RB1: variants seen among roughly 807,000 people sequenced by gnomAD.
RB1 encodes RB transcriptional corepressor 1, also known as retinoblastoma-associated protein.
Under a neutral mutation model 135.4 loss-of-function variants are expected in RB1, and 18 were observed. That is an observed-to-expected ratio of 0.13 (90% CI 0.09 to 0.20). The LOEUF (loss-of-function observed/expected upper bound fraction) is 0.20. Ranked by LOEUF, RB1 falls within the 10% of genes least tolerant of loss-of-function variation. The pLI is 1.00. For missense variants in RB1, 868 were observed against 1,110.0 expected, an observed-to-expected ratio of 0.78 and a Z score of 3.10; for synonymous variants, 365 against 373.2, an observed-to-expected ratio of 0.98 and a Z score of 0.25.
rs543702285 is a variant in RB1 at position 48,316,128 on chromosome 13, C to T, written c.264+8722C>T. Among the ~76,000 whole-genome samples the T allele has an allele frequency of 7.9e-5, 12 of 152,242 alleles. No homozygotes were observed. The South Asian group carries it at 1.2e-3, about 16-fold the overall frequency. On this transcript the variant is annotated intron_variant, in intron 2 of 26. Transcript: ENST00000267163. ...GCCCAGGGCTGAGCTGCAGAGCAGC[C>T]GCTGACATCCGCGGGGATTTCACAT... is the stretch of plus-strand genomic sequence containing the variant.
At chr13:48,358,121 G>A (rs570429215) in intron 6 of RB1, among the ~76,000 whole-genome samples, 1 of 152,230 alleles carries the variant, frequency 6.6e-6, no homozygotes, top group East Asian at 1.9e-4. Context: ...TGACCCATGT[G>A]GGAGAACTGG....
chr13:48,460,826 T>A (rs990761398), intron 20 of RB1, among the ~76,000 whole-genome samples: 7 of 152,070 alleles, frequency 4.6e-5, no homozygotes, highest in Non-Finnish European at 1.0e-4. Flanking sequence ...CCAGGTGTGG[T>A]GACTTGCACC....
At chr13:48,315,567 G>A (rs1443790344) in intron 2 of RB1, among the ~76,000 whole-genome samples, 3 of 152,170 alleles carry the variant, frequency 2.0e-5, no homozygotes, top group Non-Finnish European at 4.4e-5. Context: ...TGTTGAATAG[G>A]AGTGGTGAGA....
At chr13:48,391,721 C>T (rs537359063) in intron 17 of RB1, among the ~76,000 whole-genome samples, 161 of 152,124 alleles carry the variant, frequency 1.1e-3, no homozygotes, top group Middle Eastern at 6.8e-3. Context: ...TGGGTTCAAG[C>T]GATTCTCCTG....
At position 48,319,814 on chromosome 13, in the gene RB1, T is replaced by C; in HGVS notation, c.264+12408T>C. Reference sequence around the variant, plus strand: ...AGAAGCTGTTCTATTTCCGCCTTAATGCTCTGCTCGAAGGAGTCGTTGCTG... The same window carrying C: ...AGAAGCTGTTCTATTTCCGCCTTAACGCTCTGCTCGAAGGAGTCGTTGCTG... On this transcript the variant is annotated intron_variant, in intron 2 of 26. Transcript: ENST00000267163. This position sits in a 1 kb window ranked among gnomAD's most constrained non-coding sequence, Gnocchi z 5.0. 1 of 309,350 alleles carries C rather than the reference T, an allele frequency of 3.2e-6. No individual in the cohort carries two copies. The highest frequency in any genetic ancestry group is 6.5e-6 in the Non-Finnish European group (1 of 154,748). 19.2% of individuals were successfully genotyped at this position (309,350 alleles called of 1,614,324 possible).
chr13:48,465,652 T>C (rs1381417804), intron 23 of RB1, among the ~76,000 whole-genome samples: 3 of 151,490 alleles, frequency 2.0e-5, no homozygotes, highest in African/African-American at 7.3e-5. Context: ...GGTACCGGGT[T>C]CATCTCACTA....
At chr13:48,401,489 A>G (rs973029606) in intron 17 of RB1, 3 of 152,206 alleles carry the variant, frequency 2.0e-5, no homozygotes, top group East Asian at 3.8e-4. Context: ...TGCTTCAATC[A>G]TCTAAGCTTA....
intron 17 of RB1, among the ~76,000 whole-genome samples, chr13:48,405,886 A>T (rs1021518979): frequency 6.6e-6 from 1 of 152,162 alleles, no homozygotes; most frequent in Admixed American, 6.5e-5. Flanking sequence ...AAAAGGTGGC[A>T]TACTATGTGT....
At chr13:48,348,670 T>C (rs1593437706) in intron 5 of RB1, among the ~76,000 whole-genome samples, 1 of 151,328 alleles carries the variant, frequency 6.6e-6, no homozygotes, top group African/African-American at 2.4e-5. Flanking sequence ...ATGTATACTT[T>C]TTTTTCTTAA....
intron 12 of RB1, among the ~76,000 whole-genome samples, chr13:48,373,742 T>G (rs1019406038): frequency 6.6e-6 from 1 of 152,170 alleles, no homozygotes; most frequent in Admixed American, 6.5e-5. Context: ...TTGCAACTTA[T>G]GCCTCACTTC....
At chr13:48,385,734 A>G (rs1172733434) in intron 17 of RB1, among the ~76,000 whole-genome samples, 4 of 152,196 alleles carry the variant, frequency 2.6e-5, no homozygotes, top group African/African-American at 9.7e-5. Flanking sequence ...GTTGCTGCCC[A>G]ATAAACAGAA....
chr13:48,433,728 A>T (rs1949154617), intron 17 of RB1, among the ~76,000 whole-genome samples: 1 of 151,934 alleles, frequency 6.6e-6, no homozygotes, highest in African/African-American at 2.4e-5. Context: ...ATTACAAAAC[A>T]ATGATATCTT....
chr13:48,393,229 C>T (rs1948624278), intron 17 of RB1, among the ~76,000 whole-genome samples: 1 of 152,190 alleles, frequency 6.6e-6, no homozygotes, highest in African/African-American at 2.4e-5. Flanking sequence ...CAAGCTTAAC[C>T]CTCTGCAGAC....
In RB1 at chr13:48,324,851, TTTG is replaced by T. The variant is rs1471745537; in HGVS notation, c.264+17448_264+17450del. On this transcript the variant is annotated intron_variant, in intron 2 of 26. Transcript: ENST00000267163. ...CAAGCAGTTGTGCTTTTGTTTTTTT[TTTG>T]TTTGTTTGTTTTTGTTTTTGTTTTT... 2.4e-3 allele frequency among the ~76,000 whole-genome samples: 223 copies of T among 93,922 alleles called. 2 individuals carry two copies. In the East Asian group the frequency reaches 0.04, roughly 17 times the overall value. 61.6% of individuals were successfully genotyped at this position (93,922 alleles called of 152,430 possible).
At chr13:48,448,020 G>C (rs980234861) in intron 17 of RB1, among the ~76,000 whole-genome samples, 1 of 152,074 alleles carries the variant, frequency 6.6e-6, no homozygotes, top group Admixed American at 6.6e-5. Flanking sequence ...ATCTTTGCAA[G>C]GTCTCAAGAG....
chr13:48,336,276 G>T (rs1381436772), intron 2 of RB1, among the ~76,000 whole-genome samples: 4 of 152,112 alleles, frequency 2.6e-5, no homozygotes, highest in Non-Finnish European at 5.9e-5. Context: ...GCTCCTCTTT[G>T]TACCTCTGGT....
chr13:48,362,271 C>T (rs990651404), intron 7 of RB1, among the ~76,000 whole-genome samples: 1 of 150,798 alleles, frequency 6.6e-6, no homozygotes, highest in African/African-American at 2.4e-5. Context: ...AATAGCTGAA[C>T]CTGTATTTAG....
chr13:48,333,771 C>G (rs1952358285), intron 2 of RB1, among the ~76,000 whole-genome samples: 1 of 151,108 alleles, frequency 6.6e-6, no homozygotes, highest in Admixed American at 6.6e-5. Flanking sequence ...CACTCTGTAG[C>G]TACTGCCACA....
At chr13:48,338,890 C>G (rs1249606747) in intron 2 of RB1, among the ~76,000 whole-genome samples, 1 of 152,164 alleles carries the variant, frequency 6.6e-6, no homozygotes, top group East Asian at 1.9e-4. Context: ...AGTTTTCCTT[C>G]TAACAGGACC....
Sources: gnomAD v4.1 joint callset for allele counts (sites outside exome capture counted in the v4.1 genomes callset) on GRCh38, gnomAD v4.1.1 for gene constraint, Gnocchi (gnomAD v3.1) non-coding constraint, MANE v1.5 for transcripts, NCBI Gene and HGNC (gene_info 2026-07-23, HGNC 2026-07-21) for gene names.